The following RBM25 variants were observed in gnomAD, a reference collection of about 807,000 sequenced individuals.
RBM25 encodes RNA binding motif protein 25.
RBM25 carries 19 observed loss-of-function variants against 120.7 expected under a neutral mutation model. The ratio of observed to expected loss-of-function variants is 0.16; its 90% CI spans 0.11 to 0.23. The LOEUF is 0.23. RBM25 is among the 10% of genes least tolerant of loss of function. The probability of loss-of-function intolerance (pLI) is 1.00; values close to 1 mark genes in which losing one functional copy is unlikely to be tolerated. For synonymous variants in RBM25, 390 were observed against 326.7 expected (o/e 1.19, Z -2.09); for missense variants, 605 against 1,041.5 (o/e 0.58, Z 5.77).
intron 18 of RBM25, among the ~76,000 whole-genome samples, chr14:73,117,365 G>A (rs1329472285): frequency 6.6e-6 from 1 of 151,390 alleles, no homozygotes; most frequent in African/African-American, 2.4e-5. Context: ...CCAAGTAGTT[G>A]GGATTACAGG....
intron 2 of RBM25, among the ~76,000 whole-genome samples, chr14:73,072,305 A>G (rs1895315387): frequency 6.6e-6 from 1 of 151,984 alleles, no homozygotes; most frequent in South Asian, 2.1e-4. Flanking sequence ...TGGGTAATAC[A>G]TACACATTGT....
chr14:73,105,805 T>C, intron 10 of RBM25, 54 bp from the exon 11 acceptor site: 4 of 1,582,990 alleles, frequency 2.5e-6, no homozygotes, highest in Non-Finnish European at 3.4e-6. Flanking sequence ...TTTACTTTGG[T>C]CTTGAAAACA....
At chr14:73,089,629 A>G (rs377029785) in intron 6 of RBM25, among the ~76,000 whole-genome samples, 19 of 151,412 alleles carry the variant, frequency 1.3e-4, no homozygotes, top group African/African-American at 4.4e-4. Flanking sequence ...TGCTGGGATT[A>G]CAGGTGTGAG....
At position 73,111,090 on chromosome 14, in the gene RBM25, A is replaced by G; in HGVS notation, c.1952A>G (p.Glu651Gly). 1 of 1,614,214 alleles carries G rather than the reference A, an allele frequency of 6.2e-7. No individual in the cohort carries two copies. Among genetic ancestry groups the G allele is most frequent in the Non-Finnish European group, 8.5e-7 (1 of 1,180,040 alleles). ...CCCTGTGGTATTATTATTCCTCATG[A>G]AAACTCACCAGATCAACAGCAACCT... ...ESPCGIIIPHENSPDQQQPEE... is the reference protein window; with the variant it reads ...ESPCGIIIPHGNSPDQQQPEE... The change falls in exon 15 of 19, where the codon GAA becomes GGA. Residue 651 changes from glutamate to glycine, a missense_variant. Coordinates refer to ENST00000261973, the MANE Select transcript of RBM25 (RefSeq NM_021239.3).
intron 6 of RBM25, among the ~76,000 whole-genome samples, chr14:73,090,145 G>A (rs1330930596): frequency 1.3e-5 from 2 of 151,860 alleles, no homozygotes; most frequent in African/African-American, 2.4e-5. Context: ...CCACCTCCCA[G>A]GTTCAAGCGA....
In RBM25 at chr14:73,099,753, A is replaced by G. The variant is rs765422260; in HGVS notation, c.867+3A>G. 1.0e-5 allele frequency: 16 copies of G among 1,601,462 alleles called. No homozygotes were observed. The highest frequency in any genetic ancestry group is 2.2e-5 in the East Asian group (1 of 44,514). Reference sequence around the variant, plus strand: ...GCAAATTCAGAGACACACATAAGGTAGTATTCTTGTCTTTTCACTTGATAC... The same window carrying G: ...GCAAATTCAGAGACACACATAAGGTGGTATTCTTGTCTTTTCACTTGATAC... On this transcript the variant is annotated splice_donor_region_variant and intron_variant, in intron 9 of 18. Coordinates refer to ENST00000261973, the MANE Select transcript of RBM25 (RefSeq NM_021239.3).
chr14:73,071,938 AT>A lies in RBM25; in HGVS notation c.106+202del, dbSNP rs752642810. 8.7e-4 allele frequency among the ~76,000 whole-genome samples: 129 copies of A among 148,056 alleles called. 2 individuals carry two copies. The East Asian group carries it at 0.016, about 18-fold the overall frequency. ...GGCTGAGTATCAAACTCATCTGGAAATTTTTTTTTTTCTTCTCATCTGGAAA... is the reference window on the plus strand; with the variant it reads ...GGCTGAGTATCAAACTCATCTGGAAATTTTTTTTTTCTTCTCATCTGGAAA... On this transcript the variant is annotated intron_variant, in intron 2 of 18. Transcript: ENST00000261973.
chr14:73,070,276 C>T lies in RBM25; in HGVS notation c.-15-1351C>T, dbSNP rs377681506. 1.1e-4 allele frequency among the ~76,000 whole-genome samples: 16 copies of T among 151,960 alleles called. No individual in the cohort carries two copies. The South Asian group carries it at 1.7e-3, about 16-fold the overall frequency. ...TTCGCCATGTTGGTGAGGCTGGTCT[C>T]GAACTCCTGACCTCAGGTTTTCCAC... On this transcript the variant is annotated intron_variant, in intron 1 of 18. Coordinates refer to ENST00000261973, the MANE Select transcript of RBM25 (RefSeq NM_021239.3).
chr14:73,077,302 G>A, intron 3 of RBM25, 67 bp from the exon 4 acceptor site: 1 of 1,362,500 alleles, frequency 7.3e-7, no homozygotes, highest in South Asian at 1.3e-5. Context: ...GATGTTTTTA[G>A]CCTAATGTTA....
In RBM25 at chr14:73,103,435, A is replaced by G. The variant is rs1217261246; in HGVS notation, c.1111A>G (p.Arg371Gly). Residue 371 changes from arginine (R) to glycine (G), a missense_variant, in exon 10 of 19, where the codon AGA becomes GGA. Arg to Gly is a moderately radical substitution (Grantham distance 125). Transcript: ENST00000261973. ...RDRERDRDRD[R>G]ERSSDRNKDR... ...TCGAGAGAGAGATCGTGACCGGGAT[A>G]GAGAAAGGAGCTCAGATCGTAATAA... 2 of 1,611,384 alleles carry G rather than the reference A, an allele frequency of 1.2e-6. No individual in the cohort carries two copies. Among genetic ancestry groups the G allele is most frequent in the African/African-American group, 2.7e-5 (2 of 74,576 alleles).
intron 6 of RBM25, among the ~76,000 whole-genome samples, chr14:73,094,502 C>G (rs1269523931): frequency 6.7e-6 from 1 of 149,924 alleles, no homozygotes; most frequent in Non-Finnish European, 1.5e-5. Flanking sequence ...GGCTGGAGTG[C>G]AGTGGCGTGA....
At position 73,067,072 on chromosome 14, in the gene RBM25, T is replaced by A. The variant is rs1399970421; in HGVS notation, c.-15-4555T>A. On this transcript the variant is annotated intron_variant, in intron 1 of 18. Coordinates refer to ENST00000261973, the MANE Select transcript of RBM25 (RefSeq NM_021239.3). ...GTAAAGTTTGGATACATATAATTTTTTTTTTTTTTTTTTTTGATGTGGATT... is the reference window on the plus strand; with the variant it reads ...GTAAAGTTTGGATACATATAATTTTATTTTTTTTTTTTTTTGATGTGGATT... Among the ~76,000 whole-genome samples, 3 of 150,200 alleles carry A rather than the reference T, an allele frequency of 2.0e-5. No individual in the cohort carries two copies. The East Asian group carries it at 5.8e-4, about 29-fold the overall frequency.
chr14:73,101,759 A>G (rs1274993807), intron 9 of RBM25: 2 of 152,172 alleles, frequency 1.3e-5, no homozygotes, highest in African/African-American at 2.4e-5. Context: ...TCAGAAATAA[A>G]CAAATTTCTT....
At chr14:73,092,119 TA>T (rs545775837) in intron 6 of RBM25, among the ~76,000 whole-genome samples, 159 of 151,634 alleles carry the variant, frequency 1.0e-3, no homozygotes, top group Non-Finnish European at 1.7e-3. Flanking sequence ...CTATCTGATG[TA>T]AAAAAAAATT....
At chr14:73,096,831 GTATGTT>G in intron 6 of RBM25, 78 bp from the exon 7 acceptor site, 1 of 1,184,024 alleles carries the variant, frequency 8.4e-7, no homozygotes, top group South Asian at 1.4e-5. Context: ...GAGAAAACAT[GTATGTT>G]TATTAACTCT....
At chr14:73,099,508 A>T in intron 8 of RBM25, 75 bp downstream of exon 8, 2 of 1,585,178 alleles carry the variant, frequency 1.3e-6, no homozygotes, top group East Asian at 4.5e-5. Context: ...TGTCTATCTG[A>T]TTTTTCACTA....
At position 73,121,174 on chromosome 14, in the gene RBM25, A is replaced by G. The variant is rs938165131; in HGVS notation, c.*1369A>G. ...AAGATTGGCCTGTTAGAAAAAGCAT[A>G]ATGTGAGCTTTGGATTACTGGATTT... On this transcript the variant is annotated 3_prime_UTR_variant, in exon 19 of 19. Coordinates refer to ENST00000261973, the MANE Select transcript of RBM25 (RefSeq NM_021239.3). 2 of 152,548 alleles carry G rather than the reference A, an allele frequency of 1.3e-5. No homozygotes were observed. The highest frequency in any genetic ancestry group is 4.8e-5 in the African/African-American group (2 of 41,420). The allele number at this position is 152,548 out of a possible 1,614,324, so 9.4% of individuals were successfully genotyped here.
chr14:73,105,733 A>G, intron 10 of RBM25, 126 bp from the exon 11 acceptor site: 1 of 1,419,764 alleles, frequency 7.0e-7, no homozygotes. Flanking sequence ...GTTTTATGGA[A>G]ATCAAGTGCT....
chr14:73,071,430 A>G (rs974418869), intron 1 of RBM25, among the ~76,000 whole-genome samples, 197 bp from the exon 2 acceptor site: 8 of 152,106 alleles, frequency 5.3e-5, no homozygotes, highest in Non-Finnish European at 1.2e-4. Flanking sequence ...AACTTCGATC[A>G]TGTACATTTT....
Sources: allele counts gnomAD v4.1 joint callset (sites outside exome capture counted in the v4.1 genomes callset), GRCh38; gene constraint gnomAD v4.1.1; transcripts MANE v1.5; gene names NCBI Gene and HGNC (gene_info 2026-07-23, HGNC 2026-07-21).